The following STPG2 variants were observed in gnomAD, a reference collection of about 807,000 sequenced individuals.
The protein encoded by STPG2 is sperm tail PG-rich repeat containing 2.
A neutral mutation model predicts 54.2 loss-of-function variants in STPG2; 56 were observed. The observed-to-expected ratio is 1.03, with a 90% CI of 0.83 to 1.29. The LOEUF is 1.29. STPG2 is among the 50% of genes most tolerant of loss of function. The pLI is 0.00. For synonymous variants in STPG2, 200 were observed against 181.8 expected, an observed-to-expected ratio of 1.10 and a Z score of -0.81; for missense variants, 596 against 544.9, an observed-to-expected ratio of 1.09 and a Z score of -0.93.
chr4:97,509,425 A>T (rs1275324489), intron 4 of STPG2, among the ~76,000 whole-genome samples: 1 of 152,138 alleles, frequency 6.6e-6, no homozygotes, highest in African/African-American at 2.4e-5. Context: ...CTTACAAGAA[A>T]TTGTAATAAT....
intron 4 of STPG2, among the ~76,000 whole-genome samples, chr4:97,504,647 T>C (rs764901082): frequency 9.9e-5 from 15 of 151,940 alleles, no homozygotes; most frequent in African/African-American, 3.6e-4. Flanking sequence ...ATTTTCTCCA[T>C]CTATAACATC....
At chr4:98,000,599 C>A (rs1041526789) in intron 5 of STPG2, among the ~76,000 whole-genome samples, 2 of 152,086 alleles carry the variant, frequency 1.3e-5, no homozygotes, top group Non-Finnish European at 2.9e-5. Context: ...ATAATGCATT[C>A]TTTGTTTCTG....
intron 5 of STPG2, among the ~76,000 whole-genome samples, chr4:97,991,714 C>G (rs553122851): frequency 1.3e-5 from 2 of 151,964 alleles, no homozygotes; most frequent in Admixed American, 6.6e-5. Flanking sequence ...AGTTTATATT[C>G]CCACCAAACA....
chr4:97,826,503 T>C (rs1308942877), intron 9 of STPG2, among the ~76,000 whole-genome samples: 1 of 152,220 alleles, frequency 6.6e-6, no homozygotes, highest in East Asian at 1.9e-4. Flanking sequence ...CAAGTGTTAC[T>C]TACAGCACTG....
At chr4:97,669,385 G>A (rs1560711036) in intron 10 of STPG2, among the ~76,000 whole-genome samples, 1 of 152,116 alleles carries the variant, frequency 6.6e-6, no homozygotes, top group Non-Finnish European at 1.5e-5. Flanking sequence ...AATCAAACAT[G>A]GAGGTTTAGT....
At chr4:97,708,023 A>G (rs1724002768) in intron 10 of STPG2, among the ~76,000 whole-genome samples, 1 of 152,116 alleles carries the variant, frequency 6.6e-6, no homozygotes, top group Admixed American at 6.6e-5. Flanking sequence ...AAATTCAAAT[A>G]CAAGTACTTT....
intron 5 of STPG2, among the ~76,000 whole-genome samples, chr4:98,074,308 G>C (rs1214501607): frequency 6.6e-6 from 1 of 152,090 alleles, no homozygotes; most frequent in Non-Finnish European, 1.5e-5. Context: ...GGTTATATTT[G>C]CTCCTTTGAA....
intron 10 of STPG2, among the ~76,000 whole-genome samples, chr4:97,710,895 T>C (rs1477952595): frequency 1.3e-5 from 2 of 152,018 alleles, no homozygotes; most frequent in Non-Finnish European, 2.9e-5. Context: ...GTTCAGTAAA[T>C]ATAGGATGTA....
chr4:97,712,852 AT>A, intron 9 of STPG2, 38 bp from the exon 10 acceptor site: 1 of 1,412,896 alleles, frequency 7.1e-7, no homozygotes, highest in Non-Finnish European at 9.7e-7. Context: ...GATAAAGTAT[AT>A]TTTAAAATTA....
intron 10 of STPG2, among the ~76,000 whole-genome samples, chr4:97,565,553 G>C (rs150028082): frequency 6.6e-6 from 1 of 151,966 alleles, no homozygotes; most frequent in African/African-American, 2.4e-5. Context: ...TTTTTTCCCC[G>C]TCTTTGTGGT....
At chr4:97,638,082 G>A (rs1341094551) in intron 10 of STPG2, among the ~76,000 whole-genome samples, 1 of 152,074 alleles carries the variant, frequency 6.6e-6, no homozygotes, top group Non-Finnish European at 1.5e-5. Context: ...CACACTACCT[G>A]ACTTCAAACT....
intron 4 of STPG2, among the ~76,000 whole-genome samples, chr4:97,519,913 T>C (rs192659080): frequency 6.6e-6 from 1 of 152,200 alleles, no homozygotes; most frequent in East Asian, 1.9e-4. Context: ...AGTCGAAATG[T>C]CCATTTCAAT....
chr4:97,807,283 AT>A (rs1164223003), intron 9 of STPG2, among the ~76,000 whole-genome samples: 1 of 151,782 alleles, frequency 6.6e-6, no homozygotes, highest in African/African-American at 2.4e-5. Context: ...TTGTTTATGC[AT>A]TTTTAATCTT....
At position 97,969,082 on chromosome 4, in the gene STPG2, G is replaced by A. The variant is rs186970846; in HGVS notation, c.933+3198C>T. Among the ~76,000 whole-genome samples, 641 of 152,238 alleles carry A rather than the reference G, an allele frequency of 4.2e-3. 3 individuals carry two copies. The highest frequency in any genetic ancestry group is 0.024 in the South Asian group (116 of 4,816). On this transcript the variant is annotated intron_variant, in intron 7 of 10. Transcript: ENST00000295268. Reference sequence around the variant, plus strand: ...GCTATAAACACCCTCATCTTGCCACGGCTCTTCTAGGTCTTTTTAGGGTTA... The same window carrying A: ...GCTATAAACACCCTCATCTTGCCACAGCTCTTCTAGGTCTTTTTAGGGTTA...
chr4:97,478,518 ATT>A (rs909014802), intron 4 of STPG2, among the ~76,000 whole-genome samples: 4 of 152,086 alleles, frequency 2.6e-5, no homozygotes, highest in African/African-American at 9.7e-5. Flanking sequence ...GTAGGGCAGT[ATT>A]TGTTTTTATC....
chr4:97,815,055 G>A (rs1043268089), intron 9 of STPG2, among the ~76,000 whole-genome samples: 7 of 152,230 alleles, frequency 4.6e-5, no homozygotes, highest in South Asian at 4.1e-4. Flanking sequence ...GACTACCAAC[G>A]TCCTGCACTT....
rs769835526 is a variant in STPG2 at position 97,531,952 on chromosome 4, G to A, written c.462+180747C>T. Among the ~76,000 whole-genome samples, 134 of 152,192 alleles carry A rather than the reference G, an allele frequency of 8.8e-4. 1 individual carries two copies. Among genetic ancestry groups the A allele is most frequent in the Non-Finnish European group, 8.8e-4 (60 of 68,014 alleles). On this transcript the variant is annotated intron_variant, in intron 4 of 4. Transcript: ENST00000522676. ...ATGATGTGGTTATTACACATAAAAT[G>A]CCTGTATCAAAATATCTAATGTACT...
chr4:97,593,213 C>T (rs1434824114), intron 10 of STPG2, among the ~76,000 whole-genome samples: 3 of 152,068 alleles, frequency 2.0e-5, no homozygotes, highest in East Asian at 1.9e-4. Flanking sequence ...TCCAGCAGAG[C>T]AGCCCCTGCC....
At chr4:97,943,787 A>T in intron 8 of STPG2, 110 bp downstream of exon 8, 1 of 733,618 alleles carries the variant, frequency 1.4e-6, no homozygotes, top group Non-Finnish European at 2.2e-6. Flanking sequence ...CAAGGAGGTT[A>T]CAGCACGCTA....
Sources: gnomAD v4.1 joint callset for allele counts (sites outside exome capture counted in the v4.1 genomes callset) on GRCh38, gnomAD v4.1.1 for gene constraint, MANE v1.5 for transcripts, NCBI Gene and HGNC (gene_info 2026-07-23, HGNC 2026-07-21) for gene names.